The following DNAH14 variants were observed in gnomAD, a reference collection of about 807,000 sequenced individuals.
The protein encoded by DNAH14 is dynein axonemal heavy chain 14.
Under a neutral mutation model 520.9 loss-of-function variants are expected in DNAH14, and 478 were observed. The ratio of observed to expected loss-of-function variants is 0.92; its 90% CI spans 0.85 to 0.99. The LOEUF is 0.99. Ranked by LOEUF, DNAH14 falls within the 50% of genes least tolerant of loss-of-function variation. The probability of loss-of-function intolerance (pLI) is 0.00; values close to 1 mark genes in which losing one functional copy is unlikely to be tolerated. For synonymous variants in DNAH14, 1,581 were observed against 1,757.2 expected (o/e 0.90, Z 2.51); for missense variants, 4,831 against 5,234.5 (o/e 0.92, Z 2.38).
At chr1:225,092,884 A>G (rs185543053) in intron 21 of DNAH14, among the ~76,000 whole-genome samples, 27 of 152,284 alleles carry the variant, frequency 1.8e-4, no homozygotes, top group East Asian at 1.2e-3. Context: ...TTCAGAGACT[A>G]CTATGAACAC....
rs2072725947 is a variant in DNAH14 at position 225,078,861 on chromosome 1, T to TCTCC, written c.2425-343_2425-342insCCTC. 3.3e-4 allele frequency among the ~76,000 whole-genome samples: 2 copies of TCTCC among 6,080 alleles called. 1 individual carries two copies. The highest frequency in any genetic ancestry group is 9.6e-4 in the Non-Finnish European group (2 of 2,088). 4.0% of individuals were successfully genotyped at this position (6,080 alleles called of 152,430 possible). On this transcript the variant is annotated intron_variant, in intron 17 of 85. Coordinates refer to ENST00000682510, the MANE Select transcript of DNAH14 (RefSeq NM_001367479.1). ...CTCTCTCCCTCTCTCTCTCTCTCCC[T>TCTCC]CTCTCTCTCTCTCTCTCTCTCTCTC...
chr1:225,346,264 A>G lies in DNAH14; in HGVS notation c.10981A>G (p.Lys3661Glu). The change falls in exon 70 of 86, where the codon AAA becomes GAA. Residue 3661 changes from lysine to glutamate, a missense_variant. Coordinates refer to ENST00000682510, the MANE Select transcript of DNAH14 (RefSeq NM_001367479.1). ...HSFKREKVSP[K>E]EVHEFISISK... Reference sequence around the variant, plus strand: ...TTTTAAAAGGGAGAAAGTGTCTCCAAAAGAAGTTCATGAGTTTATAAGTAT... The same window carrying G: ...TTTTAAAAGGGAGAAAGTGTCTCCAGAAGAAGTTCATGAGTTTATAAGTAT... 6.4e-7 allele frequency: 1 copy of G among 1,551,558 alleles called. No homozygotes were observed. The highest frequency in any genetic ancestry group is 8.7e-7 in the Non-Finnish European group (1 of 1,146,954).
rs2072838137 is a variant in DNAH14 at position 225,079,502 on chromosome 1, C to T, written c.2720C>T (p.Ala907Val). The stretch of plus-strand genomic sequence containing the variant: ...ACTAAATTCAGAGATAACTTGGAAG[C>T]ATGTATCAGTGGTCTACATGTTGAT... The part of the protein sequence containing the change: ...AITKFRDNLE[A>V]CISGLHVDVG... The change falls in exon 18 of 86, where the codon GCA (alanine) becomes GTA (valine). Residue 907 changes from alanine to valine, a missense_variant. Physicochemically the swap from Ala to Val is moderately conservative, Grantham distance 64. Transcript: ENST00000682510. The T allele has an allele frequency of 3.9e-6, 6 of 1,540,200 alleles. No homozygotes were observed. The highest frequency in any genetic ancestry group is 5.2e-6 in the Non-Finnish European group (6 of 1,144,620).
chr1:225,114,885 T>C (rs10915780), intron 23 of DNAH14, among the ~76,000 whole-genome samples: 7,213 of 152,274 alleles, frequency 0.047, 506 homozygotes, highest in African/African-American at 0.15. Flanking sequence ...AAGACTGTTT[T>C]TCCTACTCTC....
intron 38 of DNAH14, among the ~76,000 whole-genome samples, chr1:225,200,948 G>A (rs1222913555): frequency 1.3e-5 from 2 of 151,968 alleles, no homozygotes; most frequent in Admixed American, 6.6e-5. Context: ...CCCCAAATAT[G>A]TTATCCAAAC....
chr1:225,181,004 A>G (rs551625957), intron 36 of DNAH14, among the ~76,000 whole-genome samples: 46 of 152,010 alleles, frequency 3.0e-4, no homozygotes, highest in South Asian at 8.3e-4. Context: ...GGAGTCCCCA[A>G]TGTCTGTTGT....
chr1:225,042,644 AT>A (rs1473616022), intron 12 of DNAH14, among the ~76,000 whole-genome samples, 190 bp from the exon 13 acceptor site: 3 of 152,204 alleles, frequency 2.0e-5, no homozygotes, highest in African/African-American at 7.2e-5. Flanking sequence ...GAACTCCTTC[AT>A]TACAATGTCA....
chr1:225,047,449 C>G (rs2068066361), intron 15 of DNAH14, among the ~76,000 whole-genome samples: 1 of 152,078 alleles, frequency 6.6e-6, no homozygotes, highest in African/African-American at 2.4e-5. Flanking sequence ...AATATATAAT[C>G]CTTACCACTA....
At chr1:225,175,170 A>G (rs1473239450) in intron 36 of DNAH14, among the ~76,000 whole-genome samples, 2 of 152,162 alleles carry the variant, frequency 1.3e-5, no homozygotes, top group Non-Finnish European at 2.9e-5. Context: ...TGTTGATATC[A>G]GAGTAATGCC....
intron 58 of DNAH14, among the ~76,000 whole-genome samples, chr1:225,307,256 CTGA>C (rs2094265387): frequency 6.6e-6 from 1 of 152,126 alleles, no homozygotes; most frequent in Non-Finnish European, 1.5e-5. Context: ...TCAATGGATA[CTGA>C]TGCAGCAGTG....
chr1:225,340,702 G>A lies in DNAH14; in HGVS notation c.10678+1G>A. The stretch of plus-strand genomic sequence containing the variant: ...TTAAATTTACTGCAGAAAGCACTAG[G>A]TAAGTCAAGATATTTAGTGATAGTA... On this transcript the variant is annotated splice_donor_variant, in intron 69 of 85. Coordinates refer to ENST00000682510, the MANE Select transcript of DNAH14 (RefSeq NM_001367479.1). LOFTEE classifies it high-confidence loss of function. The A allele has an allele frequency of 1.3e-6, 2 of 1,550,558 alleles. No individual in the cohort carries two copies. Among genetic ancestry groups the A allele is most frequent in the Non-Finnish European group, 8.7e-7 (1 of 1,146,420 alleles).
At chr1:225,043,661 C>G in intron 13 of DNAH14, 83 bp from the exon 14 acceptor site, 1 of 1,007,810 alleles carries the variant, frequency 9.9e-7, no homozygotes, top group South Asian at 1.5e-5. Context: ...GTGTAAAGCA[C>G]TGGCATATAT....
At position 225,300,860 on chromosome 1, in the gene DNAH14, T is replaced by C; in HGVS notation, c.8470-9T>C. On this transcript the variant is annotated splice_polypyrimidine_tract_variant and intron_variant, in intron 55 of 85. Coordinates refer to ENST00000682510, the MANE Select transcript of DNAH14 (RefSeq NM_001367479.1). ...TACTCTTCCTCATTAAATATGTGTT[T>C]TGCCTAAGGACTCATTTTTAGAAGA... 1 of 1,550,212 alleles carries C rather than the reference T, an allele frequency of 6.5e-7. No homozygotes were observed. The highest frequency in any genetic ancestry group is 8.7e-7 in the Non-Finnish European group (1 of 1,146,400).
chr1:225,100,725 A>G lies in DNAH14; in HGVS notation c.3708A>G (p.Ala1236=). ...TTTTTTTCTAAAGGCAACTCCCAGC[A>G]GAAACAGAACTTTTCTCTCAAGTGA... ...HSSEIRRQLP[A]ETELFSQVIS... The change falls in exon 23 of 86, where the codon GCA becomes GCG. Residue 1236 remains alanine (A), a synonymous_variant. Transcript: ENST00000682510. 1.3e-6 allele frequency: 2 copies of G among 1,504,872 alleles called. No homozygotes were observed. Among genetic ancestry groups the G allele is most frequent in the Non-Finnish European group, 1.8e-6 (2 of 1,132,210 alleles). The allele number at this position is 1,504,872 out of a possible 1,614,324, so 93.2% of individuals were successfully genotyped here.
intron 1 of DNAH14, among the ~76,000 whole-genome samples, chr1:224,934,477 C>G (rs988295480): frequency 2.0e-5 from 3 of 151,404 alleles, no homozygotes; most frequent in African/African-American, 7.3e-5. Context: ...TGAAATAATT[C>G]AGTCAGAAAA....
At chr1:225,140,160 G>A (rs12080027) in intron 27 of DNAH14, among the ~76,000 whole-genome samples, 30,209 of 151,992 alleles carry the variant, frequency 0.2, 6,189 homozygotes, top group African/African-American at 0.51. Flanking sequence ...CCTTGCCCAC[G>A]GCATGCTTTT....
At chr1:225,130,946 A>G (rs1459592794) in intron 27 of DNAH14, among the ~76,000 whole-genome samples, 2 of 152,168 alleles carry the variant, frequency 1.3e-5, no homozygotes, top group African/African-American at 4.8e-5. Context: ...ATTGCCAAGA[A>G]AGAAATGATT....
chr1:225,296,157 CAGCTTAT>C (rs2094001490), intron 55 of DNAH14, among the ~76,000 whole-genome samples: 2 of 152,054 alleles, frequency 1.3e-5, no homozygotes, highest in African/African-American at 4.8e-5. Context: ...TTCTTATAGG[CAGCTTAT>C]AGTTGGGTCT....
At chr1:225,136,054 C>T (rs142748082) in intron 27 of DNAH14, among the ~76,000 whole-genome samples, 5 of 152,134 alleles carry the variant, frequency 3.3e-5, no homozygotes, top group Middle Eastern at 3.4e-3. Flanking sequence ...TGTCTTTGCA[C>T]GTGAGATGGG....
Sources: allele counts gnomAD v4.1 joint callset (sites outside exome capture counted in the v4.1 genomes callset), GRCh38; gene constraint gnomAD v4.1.1; transcripts MANE v1.5; gene names NCBI Gene and HGNC (gene_info 2026-07-23, HGNC 2026-07-21).